The following TANGO6 variants were observed in gnomAD, a reference collection of about 807,000 sequenced individuals.
TANGO6 encodes transport and Golgi organization protein 6 homolog.
A neutral mutation model predicts 114.2 loss-of-function variants in TANGO6; 90 were observed. The ratio of observed to expected loss-of-function variants is 0.79; its 90% confidence interval spans 0.66 to 0.94. The LOEUF (loss-of-function observed/expected upper bound fraction) is 0.94, where lower values mean the gene tolerates loss of function less well. Among genes scored for constraint, TANGO6 ranks in the 40% least tolerant of loss-of-function variants. The pLI, the probability that TANGO6 is intolerant of heterozygous loss-of-function variation, is 0.00. For synonymous variants in TANGO6, 477 were observed against 509.8 expected (o/e 0.94, Z 0.87); for missense variants, 1,274 against 1,315.3 (o/e 0.97, Z 0.49).
At chr16:68,977,857 T>G (rs1197205806) in intron 15 of TANGO6, among the ~76,000 whole-genome samples, 4 of 151,800 alleles carry the variant, frequency 2.6e-5, no homozygotes, top group African/African-American at 9.7e-5. Flanking sequence ...GGCTAATTTT[T>G]GTATTTTTAG....
At chr16:68,996,286 G>C (rs1450060025) in intron 15 of TANGO6, among the ~76,000 whole-genome samples, 1 of 152,138 alleles carries the variant, frequency 6.6e-6, no homozygotes, top group Admixed American at 6.5e-5. Context: ...TTTTGGAGAG[G>C]AAATCCTGCC....
intron 15 of TANGO6, among the ~76,000 whole-genome samples, chr16:68,979,645 AT>A (rs1306916528): frequency 1.3e-5 from 2 of 152,196 alleles, no homozygotes; most frequent in Admixed American, 6.6e-5. Flanking sequence ...ATGTATTATC[AT>A]TTTTAAAAAT....
chr16:68,888,984 C>T (rs903508785), intron 7 of TANGO6, among the ~76,000 whole-genome samples: 5 of 152,072 alleles, frequency 3.3e-5, no homozygotes, highest in South Asian at 4.1e-4. Flanking sequence ...CCACCATGCC[C>T]GGCTAATTTT....
At chr16:68,865,082 C>T (rs2152160286) in intron 3 of TANGO6, among the ~76,000 whole-genome samples, 1 of 151,744 alleles carries the variant, frequency 6.6e-6, no homozygotes, top group African/African-American at 2.4e-5. Flanking sequence ...TCAAGACCAG[C>T]CTGGCCAAGA....
intron 11 of TANGO6, among the ~76,000 whole-genome samples, chr16:68,915,565 AG>A (rs1823983454): frequency 6.6e-6 from 1 of 152,224 alleles, no homozygotes; most frequent in Non-Finnish European, 1.5e-5. Flanking sequence ...TGCCCAGCTA[AG>A]GAGTGCTTTA....
chr16:68,969,833 C>T (rs967778108), intron 14 of TANGO6, among the ~76,000 whole-genome samples: 1 of 152,064 alleles, frequency 6.6e-6, no homozygotes, highest in African/African-American at 2.4e-5. Flanking sequence ...GGGTGGAGTA[C>T]ACCTGGGTCC....
intron 14 of TANGO6, among the ~76,000 whole-genome samples, chr16:68,933,035 C>T (rs776671328): frequency 5.9e-5 from 9 of 152,286 alleles, no homozygotes; most frequent in East Asian, 1.9e-4. Flanking sequence ...TTCACTATTA[C>T]GTCTACTGTT....
At chr16:68,893,598 T>C (rs1214273291) in intron 7 of TANGO6, among the ~76,000 whole-genome samples, 1 of 151,398 alleles carries the variant, frequency 6.6e-6, no homozygotes, top group Non-Finnish European at 1.5e-5. Flanking sequence ...TAGCCGGGCG[T>C]GGTGGCACGC....
intron 5 of TANGO6, among the ~76,000 whole-genome samples, chr16:68,877,430 C>A (rs1211530490): frequency 6.9e-6 from 1 of 145,802 alleles, no homozygotes; most frequent in African/African-American, 2.5e-5. Flanking sequence ...ATTGCACCAC[C>A]GTATTCCAGC....
intron 17 of TANGO6, among the ~76,000 whole-genome samples, chr16:69,055,475 C>T (rs1442961722): frequency 6.6e-6 from 1 of 152,190 alleles, no homozygotes; most frequent in East Asian, 1.9e-4. Flanking sequence ...CCTTTCTAGA[C>T]CCAAATGCAA....
intron 17 of TANGO6, among the ~76,000 whole-genome samples, chr16:69,073,984 G>A (rs999734232): frequency 2.7e-5 from 4 of 150,696 alleles, no homozygotes; most frequent in Non-Finnish European, 4.4e-5. Context: ...AAAGGCACTC[G>A]GGTGAGGCCA....
intron 9 of TANGO6, 46 bp downstream of exon 9, chr16:68,902,550 C>T: frequency 6.7e-7 from 1 of 1,487,130 alleles, no homozygotes; most frequent in South Asian, 1.4e-5. Context: ...TTAGTTCCGC[C>T]CAAAAGGCCA....
intron 5 of TANGO6, 151 bp from the exon 6 acceptor site, chr16:68,877,967 A>G (rs1962393885): frequency 1.5e-6 from 1 of 662,378 alleles, no homozygotes; most frequent in African/African-American, 1.9e-5. Flanking sequence ...ACCCTTTGAT[A>G]CTGGGTATGT....
chr16:68,878,868 T>G (rs1205453893), intron 6 of TANGO6, among the ~76,000 whole-genome samples: 5 of 151,628 alleles, frequency 3.3e-5, no homozygotes, highest in African/African-American at 1.2e-4. Context: ...AGCCCAGGAG[T>G]TCGAGACCAC....
intron 4 of TANGO6, 51 bp downstream of exon 4, chr16:68,867,271 A>T: frequency 6.2e-7 from 1 of 1,610,566 alleles, no homozygotes; most frequent in South Asian, 1.1e-5. Flanking sequence ...CCTTTGAGTC[A>T]GAGTCTGAGG....
At chr16:68,907,995 A>G (rs1372159012) in intron 10 of TANGO6, among the ~76,000 whole-genome samples, 1 of 152,028 alleles carries the variant, frequency 6.6e-6, no homozygotes, top group Admixed American at 6.6e-5. Context: ...TGCCTCCTTC[A>G]TTTCATTTTG....
At chr16:68,862,692 A>G (rs1479128237) in intron 2 of TANGO6, among the ~76,000 whole-genome samples, 1 of 152,220 alleles carries the variant, frequency 6.6e-6, no homozygotes, top group East Asian at 1.9e-4. Context: ...AAAACCAGCC[A>G]GTAAGTGAGT....
chr16:69,061,908 A>C (rs1190034651), intron 17 of TANGO6, among the ~76,000 whole-genome samples: 1 of 151,800 alleles, frequency 6.6e-6, no homozygotes, highest in African/African-American at 2.4e-5. Context: ...AGTCCCAGCT[A>C]GTCAGGAGGC....
chr16:68,929,896 T>A (rs1393460398), intron 13 of TANGO6, among the ~76,000 whole-genome samples: 1 of 152,154 alleles, frequency 6.6e-6, no homozygotes, highest in Non-Finnish European at 1.5e-5. Context: ...ACCCCAAACC[T>A]TGTCTCTTGT....
Sources: gnomAD v4.1 joint callset for allele counts (sites outside exome capture counted in the v4.1 genomes callset) on GRCh38, gnomAD v4.1.1 for gene constraint, MANE v1.5 for transcripts, NCBI Gene and HGNC (gene_info 2026-07-23, HGNC 2026-07-21) for gene names.